Variants in SCUBE2 observed in about 807,000 individuals in gnomAD.
SCUBE2 encodes the protein signal peptide, CUB and EGF-like domain-containing protein 2.
SCUBE2 carries 114 observed loss-of-function variants against 125.9 expected under a neutral mutation model. The ratio of observed to expected loss-of-function variants is 0.91; its 90% CI spans 0.78 to 1.06. The LOEUF is 1.06. Ranked by LOEUF, SCUBE2 falls within the 50% of genes least tolerant of loss-of-function variation. The pLI is 0.00. For missense variants in SCUBE2, 1,255 were observed against 1,301.8 expected (o/e 0.96, Z 0.55); for synonymous variants, 459 against 492.9 (o/e 0.93, Z 0.91).
At chr11:9,065,821 T>C in intron 7 of SCUBE2, 70 bp downstream of exon 7, 1 of 1,344,474 alleles carries the variant, frequency 7.4e-7, no homozygotes, top group East Asian at 2.3e-5. Context: ...CAAGTTCAGG[T>C]CTGATGCAAT....
At chr11:9,042,377 T>C (rs1857332959) in intron 16 of SCUBE2, among the ~76,000 whole-genome samples, 1 of 151,882 alleles carries the variant, frequency 6.6e-6, no homozygotes, top group Non-Finnish European at 1.5e-5. Context: ...CTTCCAAGAT[T>C]CCCCTGGCTT....
chr11:9,068,718 C>A (rs535790817), intron 5 of SCUBE2, among the ~76,000 whole-genome samples: 1 of 152,362 alleles, frequency 6.6e-6, no homozygotes, highest in South Asian at 2.1e-4. Flanking sequence ...CTTGTTGCTT[C>A]ACCTTCTGCA....
At chr11:9,087,725 T>C (rs996803292) in intron 2 of SCUBE2, among the ~76,000 whole-genome samples, 1 of 152,182 alleles carries the variant, frequency 6.6e-6, no homozygotes, top group Non-Finnish European at 1.5e-5. Context: ...ATCCCATCTG[T>C]TATTCATATT....
chr11:9,048,699 G>A (rs960528589), intron 14 of SCUBE2, among the ~76,000 whole-genome samples: 3 of 152,196 alleles, frequency 2.0e-5, no homozygotes, highest in African/African-American at 7.2e-5. Context: ...TGGAAGTGTT[G>A]CATGACAGGG....
intron 5 of SCUBE2, among the ~76,000 whole-genome samples, chr11:9,067,132 T>C (rs1027051710): frequency 3.3e-5 from 5 of 152,236 alleles, no homozygotes; most frequent in Non-Finnish European, 5.9e-5. Flanking sequence ...ACTGCTTTGT[T>C]CTATCTAGAG....
rs1285195792 is a variant in SCUBE2 at position 9,065,985 on chromosome 11, A to G, written c.761-5T>C. The G allele has an allele frequency of 1.9e-6, 3 of 1,607,866 alleles. No homozygotes were observed. Among genetic ancestry groups the G allele is most frequent in the Non-Finnish European group, 2.6e-6 (3 of 1,174,438 alleles). ...CCAGGACAGTGTCCTCTCGCTCTAC[A>G]AGAGAAGCAAAAGAGCACGGTTCTC... On this transcript the variant is annotated splice_polypyrimidine_tract_variant and splice_region_variant and intron_variant, in intron 6 of 22. Transcript: ENST00000649792.
In SCUBE2 at chr11:9,053,298, G is replaced by A; in HGVS notation, c.1331-83C>T. The A allele has an allele frequency of 6.1e-6, 7 of 1,144,844 alleles. 1 individual carries two copies. The South Asian group carries it at 9.2e-5, about 15-fold the overall frequency. 70.9% of individuals were successfully genotyped at this position (1,144,844 alleles called of 1,614,324 possible). A position where few individuals can be genotyped will look rare whatever the true frequency, so the allele number is the denominator to read the frequency against. Reference sequence around the variant, plus strand: ...GGATGGTTGAGTCCCATGCACCAAAGGCCCCAAGAAAAGAAGGTAGAGCTC... The same window carrying A: ...GGATGGTTGAGTCCCATGCACCAAAAGCCCCAAGAAAAGAAGGTAGAGCTC... On this transcript the variant is annotated intron_variant, in intron 11 of 22. Transcript: ENST00000649792.
chr11:9,027,380 C>G lies in SCUBE2; in HGVS notation c.2685G>C (p.Leu895=), dbSNP rs780991348. 4 of 1,614,016 alleles carry G rather than the reference C, an allele frequency of 2.5e-6. No individual in the cohort carries two copies. Among genetic ancestry groups the G allele is most frequent in the South Asian group, 1.1e-5 (1 of 91,046 alleles). The part of the protein sequence containing the change: ...LPIEDDCGDY[L]VMRKTSSSNS... ...GAGACGCACAGGTTTTCCGCATCAC[C>G]AGATAGTCCCCACAGTCGTCCTCTA... The change falls in exon 20 of 23, where the codon CTG becomes CTC. Residue 895 remains leucine (L), a synonymous_variant. Coordinates refer to ENST00000649792, the MANE Select transcript of SCUBE2 (RefSeq NM_001367977.2).
chr11:9,082,164 C>T (rs1861691831), intron 2 of SCUBE2, among the ~76,000 whole-genome samples: 1 of 152,152 alleles, frequency 6.6e-6, no homozygotes, highest in Non-Finnish European at 1.5e-5. Flanking sequence ...AGATATTTTG[C>T]CCACTTTTTA....
At chr11:9,027,920 T>C (rs961283429) in intron 19 of SCUBE2, among the ~76,000 whole-genome samples, 1 of 152,214 alleles carries the variant, frequency 6.6e-6, no homozygotes, top group African/African-American at 2.4e-5. Flanking sequence ...TCTCTCAAAA[T>C]AGGGGGAACA....
At chr11:9,033,485 A>T in intron 17 of SCUBE2, 141 bp downstream of exon 17, 1 of 896,566 alleles carries the variant, frequency 1.1e-6, no homozygotes, top group Non-Finnish European at 1.7e-6. Context: ...CTGGTGAGCC[A>T]AAGATGAATC....
At chr11:9,064,182 T>C (rs1365288498) in intron 7 of SCUBE2, among the ~76,000 whole-genome samples, 1 of 152,010 alleles carries the variant, frequency 6.6e-6, no homozygotes, top group African/African-American at 2.4e-5. Context: ...GAAGTAACTG[T>C]AGGGCCAGGC....
intron 16 of SCUBE2, among the ~76,000 whole-genome samples, chr11:9,045,549 G>C (rs1017252813): frequency 6.6e-6 from 1 of 150,958 alleles, no homozygotes; most frequent in Non-Finnish European, 1.5e-5. Context: ...ACATCAGCAA[G>C]CCTGGTCTTT....
chr11:9,042,819 T>A (rs1857371682), intron 16 of SCUBE2, among the ~76,000 whole-genome samples: 1 of 152,238 alleles, frequency 6.6e-6, no homozygotes, highest in Non-Finnish European at 1.5e-5. Flanking sequence ...CCAATCCATG[T>A]CATCCCCAAA....
At position 9,027,304 on chromosome 11, in the gene SCUBE2, G is replaced by C. The variant is rs564903546; in HGVS notation, c.2701+60C>G. On this transcript the variant is annotated intron_variant, in intron 20 of 22. Coordinates refer to ENST00000649792, the MANE Select transcript of SCUBE2 (RefSeq NM_001367977.2). ...CTGCCTCCTCACATTGAAAGCCTGA[G>C]GAGCAGGTCATCAGGCTTCCCAGCT... is the stretch of plus-strand genomic sequence containing the variant. 4,763 of 1,521,788 alleles carry C rather than the reference G, an allele frequency of 3.1e-3. 11 individuals are homozygous for C. Among genetic ancestry groups the C allele is most frequent in the Non-Finnish European group, 3.9e-3 (4,321 of 1,103,184 alleles). The allele number at this position is 1,521,788 out of a possible 1,614,324, so 94.3% of individuals were successfully genotyped here.
In SCUBE2 at chr11:9,091,450, G is replaced by C; in HGVS notation, c.79C>G (p.Leu27Val). ...CCCGGCGGGACGGCCCCCGCCAGCA[G>C]CAGCAGTGGCGGCAGCAGCAGCAGC... is the stretch of plus-strand genomic sequence containing the variant. ...LLLLLLPPLL[L>V]LAGAVPPGRG... Residue 27 changes from leucine (L) to valine (V), a missense_variant, in exon 1 of 23, where the codon CTG (leucine) becomes GTG (valine). This residue lies in a region of SCUBE2 where 362 missense variants were observed against 323.0 expected (regional missense o/e 1.12). Coordinates refer to ENST00000649792, the MANE Select transcript of SCUBE2 (RefSeq NM_001367977.2). The surrounding 1 kb of genome is among the most constrained non-coding windows in gnomAD (Gnocchi z 8.5). 1 of 1,317,120 alleles carries C rather than the reference G, an allele frequency of 7.6e-7. No individual in the cohort carries two copies. The highest frequency in any genetic ancestry group is 9.6e-7 in the Non-Finnish European group (1 of 1,039,748). 81.6% of individuals were successfully genotyped at this position (1,317,120 alleles called of 1,614,324 possible). A position where few individuals can be genotyped will look rare whatever the true frequency, so the allele number is the denominator to read the frequency against.
At chr11:9,048,371 T>C (rs1858015885) in intron 14 of SCUBE2, among the ~76,000 whole-genome samples, 1 of 152,230 alleles carries the variant, frequency 6.6e-6, no homozygotes, top group African/African-American at 2.4e-5. Context: ...TAGCCACATA[T>C]GTGGAAGACA....
At chr11:9,047,825 A>C in intron 15 of SCUBE2, 118 bp downstream of exon 15, 1 of 1,264,452 alleles carries the variant, frequency 7.9e-7, no homozygotes, top group Non-Finnish European at 1.1e-6. Flanking sequence ...GTGAAAAAAA[A>C]CAGGAGATAC....
chr11:9,044,549 A>G (rs1223624494), intron 16 of SCUBE2, among the ~76,000 whole-genome samples: 2 of 152,160 alleles, frequency 1.3e-5, no homozygotes, highest in Admixed American at 6.5e-5. Flanking sequence ...TTAAAAAGAT[A>G]TATCTATTCA....
Sources: allele counts gnomAD v4.1 joint callset (sites outside exome capture counted in the v4.1 genomes callset), GRCh38; gene constraint gnomAD v4.1.1; regional missense constraint gnomAD v4.1.1; non-coding constraint Gnocchi (gnomAD v3.1); transcripts MANE v1.5; gene names NCBI Gene and HGNC (gene_info 2026-07-23, HGNC 2026-07-21).